The following SMAD5 variants were observed in gnomAD, a reference collection of about 807,000 sequenced individuals.
The protein encoded by SMAD5 is SMAD family member 5, also known as MAD, mothers against decapentaplegic homolog 5.
In SMAD5, 9 loss-of-function variants were observed where a neutral mutation model predicts 43.1. That is an observed-to-expected ratio of 0.21 (90% CI 0.13 to 0.36). SMAD5 has a LOEUF of 0.36. Among genes scored for constraint, SMAD5 ranks in the 10% least tolerant of loss-of-function variants. The pLI is 1.00. For missense variants in SMAD5, 348 were observed against 574.0 expected (o/e 0.61, Z 4.02); for synonymous variants, 190 against 192.4 (o/e 0.99, Z 0.10).
chr5:136,138,904 G>A (rs1752976604), intron 1 of SMAD5, among the ~76,000 whole-genome samples: 1 of 152,128 alleles, frequency 6.6e-6, no homozygotes, highest in South Asian at 2.1e-4. Flanking sequence ...CAATTATTTT[G>A]TACAGGTTTG....
chr5:136,146,846 G>T (rs190501432), intron 1 of SMAD5, among the ~76,000 whole-genome samples: 1 of 151,672 alleles, frequency 6.6e-6, no homozygotes, highest in African/African-American at 2.4e-5. Flanking sequence ...GAGAATAGAT[G>T]AGTAAAATAT....
At chr5:136,169,183 AG>A (rs765504937) in intron 5 of SMAD5, among the ~76,000 whole-genome samples, 32 of 152,188 alleles carry the variant, frequency 2.1e-4, no homozygotes, top group Non-Finnish European at 2.9e-4. Flanking sequence ...CAGAAGCTGA[AG>A]AATTTGAGTC....
intron 2 of SMAD5, among the ~76,000 whole-genome samples, chr5:136,151,599 A>G (rs1436544942): frequency 6.6e-6 from 1 of 152,024 alleles, no homozygotes; most frequent in Non-Finnish European, 1.5e-5. Flanking sequence ...ATGATATTGT[A>G]TTCAGAATTC....
intron 5 of SMAD5, among the ~76,000 whole-genome samples, chr5:136,167,158 G>C (rs996183359): frequency 7.0e-6 from 1 of 141,888 alleles, no homozygotes; most frequent in African/African-American, 2.8e-5. Context: ...TGCCTTTTTA[G>C]TTTCGCCTAG....
At chr5:136,166,610 A>G (rs1490019575) in intron 5 of SMAD5, among the ~76,000 whole-genome samples, 1 of 152,160 alleles carries the variant, frequency 6.6e-6, no homozygotes. Context: ...GAGATTCCCC[A>G]TTTACAAAAT....
At chr5:136,164,624 A>G (rs372423515) in intron 5 of SMAD5, among the ~76,000 whole-genome samples, 19 of 152,234 alleles carry the variant, frequency 1.2e-4, no homozygotes, top group East Asian at 3.9e-4. Flanking sequence ...TGAATCCTTT[A>G]TCAGATATAT....
At chr5:136,133,282 G>A (rs1218223886) in intron 1 of SMAD5, 4 of 152,630 alleles carry the variant, frequency 2.6e-5, no homozygotes, top group African/African-American at 7.2e-5. Context: ...GGGACCCCCT[G>A]ACCCCGCGCT....
intron 1 of SMAD5, among the ~76,000 whole-genome samples, chr5:136,142,039 C>A (rs1004977962): frequency 7.2e-5 from 11 of 152,132 alleles, no homozygotes; most frequent in Non-Finnish European, 1.6e-4. Flanking sequence ...GTACACCTAA[C>A]CCCACCACCA....
intron 1 of SMAD5, among the ~76,000 whole-genome samples, chr5:136,146,993 A>C (rs555643915): frequency 1.3e-5 from 2 of 151,676 alleles, no homozygotes; most frequent in African/African-American, 4.8e-5. Flanking sequence ...TGTGGGCAAG[A>C]CTATATATAT....
In SMAD5 at chr5:136,174,448, G is replaced by A; in HGVS notation, c.1070G>A (p.Ser357Asn). The A allele has an allele frequency of 6.2e-7, 1 of 1,613,870 alleles. No homozygotes were observed. The highest frequency in any genetic ancestry group is 8.5e-7 in the Non-Finnish European group (1 of 1,179,718). ...AGTGACAGCAGCATATTTGTACAGA[G>A]TAGGAACTGCAACTTTCATCATGGC... Reference protein sequence around the residue: ...CLSDSSIFVQSRNCNFHHGFH... With the variant: ...CLSDSSIFVQNRNCNFHHGFH... Residue 357 changes from serine to asparagine, a missense_variant, in exon 7 of 8, where the codon AGT becomes AAT. Transcript: ENST00000545279.
Position 136,153,734 on chromosome 5 carries a change from A to C in SMAD5, c.-27A>C. On this transcript the variant is annotated 5_prime_UTR_variant, in exon 3 of 8. Transcript: ENST00000545279. ...TCGGTAGCCACTGACTTTGAGTTACAGGAAGGTCTCCGAAGATTTGTGTCA... is the reference window on the plus strand; with the variant it reads ...TCGGTAGCCACTGACTTTGAGTTACCGGAAGGTCTCCGAAGATTTGTGTCA... 1 of 1,574,204 alleles carries C rather than the reference A, an allele frequency of 6.4e-7. No individual in the cohort carries two copies. Among genetic ancestry groups the C allele is most frequent in the Non-Finnish European group, 8.6e-7 (1 of 1,159,080 alleles).
chr5:136,156,565 T>G (rs1473710040), intron 3 of SMAD5, among the ~76,000 whole-genome samples: 2 of 152,158 alleles, frequency 1.3e-5, no homozygotes, highest in African/African-American at 4.8e-5. Context: ...TGATTCTCAG[T>G]TTCTTACTGA....
In SMAD5 at chr5:136,165,662, A is replaced by AT. The variant is rs58156387; in HGVS notation, c.775+2308dup. ...TACTTCATATAAATGGAATCATACA[A>AT]TTTTTTTTTTTTTTTTTTTTTTTTT... On this transcript the variant is annotated intron_variant, in intron 5 of 7. Coordinates refer to ENST00000545279, the MANE Select transcript of SMAD5 (RefSeq NM_005903.7). 1.9e-3 allele frequency among the ~76,000 whole-genome samples: 125 copies of AT among 65,400 alleles called. 3 individuals are homozygous for AT. The highest frequency in any genetic ancestry group is 4.5e-3 in the South Asian group (7 of 1,558). 42.9% of individuals were successfully genotyped at this position (65,400 alleles called of 152,430 possible).
chr5:136,148,854 A>G (rs1753354915), intron 2 of SMAD5, among the ~76,000 whole-genome samples: 2 of 151,896 alleles, frequency 1.3e-5, no homozygotes, highest in East Asian at 3.9e-4. Context: ...GACTGATTTT[A>G]TAAGTGATCA....
At chr5:136,140,501 A>T (rs1753041509) in intron 1 of SMAD5, among the ~76,000 whole-genome samples, 1 of 152,044 alleles carries the variant, frequency 6.6e-6, no homozygotes, top group African/African-American at 2.4e-5. Flanking sequence ...TATGCTCTTC[A>T]TGCCAGAAGC....
Position 136,182,556 on chromosome 5 carries a change from G to A in SMAD5, c.*5076G>A, listed in dbSNP as rs898349456. ...TCTGCTGCTTATTTGTATTTGTTGTGCTTCTGTTTATGTTGTAGAAGCTGA... is the reference window on the plus strand; with the variant it reads ...TCTGCTGCTTATTTGTATTTGTTGTACTTCTGTTTATGTTGTAGAAGCTGA... On this transcript the variant is annotated 3_prime_UTR_variant, in exon 8 of 8. Coordinates refer to ENST00000545279, the MANE Select transcript of SMAD5 (RefSeq NM_005903.7). 1.3e-5 allele frequency: 2 copies of A among 152,526 alleles called. No homozygotes were observed. The highest frequency in any genetic ancestry group is 4.8e-5 in the African/African-American group (2 of 41,410). 9.4% of individuals were successfully genotyped at this position (152,526 alleles called of 1,614,324 possible). A position where few individuals can be genotyped will look rare whatever the true frequency, so the allele number is the denominator to read the frequency against.
chr5:136,160,772 G>A, intron 3 of SMAD5, 84 bp from the exon 4 acceptor site: 1 of 1,358,460 alleles, frequency 7.4e-7, no homozygotes, highest in Non-Finnish European at 1.0e-6. Flanking sequence ...AGTCTTACAT[G>A]AATCCTTTCT....
chr5:136,138,394 A>G (rs1752957053), intron 1 of SMAD5, among the ~76,000 whole-genome samples: 1 of 152,222 alleles, frequency 6.6e-6, no homozygotes, highest in Non-Finnish European at 1.5e-5. Flanking sequence ...TTCTCTGTGA[A>G]AATAATTTTG....
At chr5:136,146,019 T>C (rs528782662) in intron 1 of SMAD5, among the ~76,000 whole-genome samples, 22 of 152,016 alleles carry the variant, frequency 1.4e-4, no homozygotes, top group African/African-American at 5.3e-4. Flanking sequence ...CTGTGTATCG[T>C]AGATAGTTAT....
Sources: allele counts gnomAD v4.1 joint callset (sites outside exome capture counted in the v4.1 genomes callset), GRCh38; gene constraint gnomAD v4.1.1; transcripts MANE v1.5; gene names NCBI Gene and HGNC (gene_info 2026-07-23, HGNC 2026-07-21).